SMARCC1: variants seen among roughly 807,000 people sequenced by gnomAD.
SMARCC1 encodes SWI/SNF related BAF chromatin remodeling complex subunit C1, also known as SWI/SNF complex subunit SMARCC1.
A neutral mutation model predicts 147.4 loss-of-function variants in SMARCC1; 43 were observed. The ratio of observed to expected loss-of-function variants is 0.29; its 90% CI spans 0.23 to 0.38. The LOEUF is 0.38. Among genes scored for constraint, SMARCC1 ranks in the 10% least tolerant of loss-of-function variants. The probability of loss-of-function intolerance (pLI) is 1.00; values close to 1 mark genes in which losing one functional copy is unlikely to be tolerated. For missense variants in SMARCC1, 1,119 were observed against 1,381.1 expected (o/e 0.81, Z 3.01); for synonymous variants, 495 against 484.4 (o/e 1.02, Z -0.29).
chr3:47,741,206 GAA>G (rs1376413095), intron 3 of SMARCC1, among the ~76,000 whole-genome samples: 7 of 151,706 alleles, frequency 4.6e-5, no homozygotes, highest in South Asian at 4.2e-4. Context: ...TACTTGTGAG[GAA>G]AAGAGACGGA....
intron 2 of SMARCC1, among the ~76,000 whole-genome samples, chr3:47,755,067 C>T (rs1478128884): frequency 6.6e-6 from 1 of 150,588 alleles, no homozygotes; most frequent in Non-Finnish European, 1.5e-5. Context: ...AAAAATTATC[C>T]GGGCACAGTT....
intron 6 of SMARCC1, among the ~76,000 whole-genome samples, chr3:47,723,148 A>G (rs1463175150): frequency 6.6e-6 from 1 of 152,170 alleles, no homozygotes; most frequent in Non-Finnish European, 1.5e-5. Context: ...GCAAGTTATT[A>G]TCTTCAGAAA....
intron 19 of SMARCC1, 83 bp from the exon 20 acceptor site, chr3:47,662,675 T>A (rs892637821): frequency 2.7e-5 from 29 of 1,089,018 alleles, no homozygotes; most frequent in African/African-American, 9.6e-5. Context: ...ATAGCTTTTT[T>A]AAAAAAAATT....
intron 6 of SMARCC1, among the ~76,000 whole-genome samples, chr3:47,723,508 C>G (rs2034261546): frequency 6.6e-6 from 1 of 151,236 alleles, no homozygotes; most frequent in African/African-American, 2.4e-5. Context: ...TACAACTGAA[C>G]AACAACAAAC....
intron 21 of SMARCC1, among the ~76,000 whole-genome samples, chr3:47,645,343 G>A (rs1230915666): frequency 1.3e-5 from 2 of 149,682 alleles, no homozygotes; most frequent in East Asian, 1.9e-4. Flanking sequence ...CCCACAGTGA[G>A]TATGAGCAGA....
At chr3:47,771,194 C>A (rs1283154437) in intron 2 of SMARCC1, among the ~76,000 whole-genome samples, 6 of 152,076 alleles carry the variant, frequency 3.9e-5, no homozygotes. Flanking sequence ...CAGGCATAAG[C>A]CACGACGCCC....
At chr3:47,762,315 A>G (rs966694318) in intron 2 of SMARCC1, among the ~76,000 whole-genome samples, 1 of 152,170 alleles carries the variant, frequency 6.6e-6, no homozygotes, top group Non-Finnish European at 1.5e-5. Context: ...CACGTTCCAA[A>G]CGGTTTATTC....
rs550881528 is a variant in SMARCC1, at chr3:47,624,878, T to G, written c.2647-2537A>C. Among the ~76,000 whole-genome samples, 11 of 139,600 alleles carry G rather than the reference T, an allele frequency of 7.9e-5. No individual in the cohort carries two copies. In the South Asian group the frequency reaches 2.5e-3, roughly 32 times the overall value. 91.6% of individuals were successfully genotyped at this position (139,600 alleles called of 152,430 possible). On this transcript the variant is annotated intron_variant, in intron 24 of 27. Coordinates refer to ENST00000254480, the MANE Select transcript of SMARCC1 (RefSeq NM_003074.4). ...CAGCCTGGCCAACATAGTAAAACCC[T>G]GTCTGTACTAAAAATTAAAAAAAAA...
At chr3:47,637,647 G>C (rs1466212261) in intron 22 of SMARCC1, among the ~76,000 whole-genome samples, 1 of 152,020 alleles carries the variant, frequency 6.6e-6, no homozygotes, top group African/African-American at 2.4e-5. Flanking sequence ...AGAAAACGGA[G>C]GTTGCAGTGA....
intron 26 of SMARCC1, among the ~76,000 whole-genome samples, chr3:47,596,961 C>T (rs1270624929): frequency 1.3e-5 from 2 of 151,276 alleles, no homozygotes; most frequent in South Asian, 2.1e-4. Flanking sequence ...TTTGGGAGGC[C>T]GAGGCAGGCA....
At chr3:47,590,579 G>C in intron 27 of SMARCC1, 82 bp downstream of exon 27, 1 of 1,238,588 alleles carries the variant, frequency 8.1e-7, no homozygotes, top group Non-Finnish European at 1.1e-6. Flanking sequence ...AAATCTCGGG[G>C]AGAGAACAAA....
intron 8 of SMARCC1, among the ~76,000 whole-genome samples, chr3:47,712,534 T>C (rs1246176438): frequency 1.3e-5 from 2 of 152,206 alleles, no homozygotes; most frequent in African/African-American, 4.8e-5. Context: ...CAACTGTTTG[T>C]GTCAGGCACT....
At chr3:47,604,812 C>G (rs952444062) in intron 26 of SMARCC1, 1 of 147,756 alleles carries the variant, frequency 6.8e-6, no homozygotes, top group Non-Finnish European at 1.5e-5. Flanking sequence ...GATTCCCGTG[C>G]CTCGGCCTCC....
intron 26 of SMARCC1, among the ~76,000 whole-genome samples, chr3:47,605,640 G>A (rs1183019890): frequency 6.6e-6 from 1 of 152,144 alleles, no homozygotes; most frequent in Non-Finnish European, 1.5e-5. Context: ...GGGTGTCGTG[G>A]TGTGCACTTG....
chr3:47,706,033 T>C (rs764313479), intron 10 of SMARCC1, among the ~76,000 whole-genome samples: 9 of 152,056 alleles, frequency 5.9e-5, no homozygotes, highest in Non-Finnish European at 8.8e-5. Context: ...ATCTCTTCTA[T>C]GAGCTTATTT....
chr3:47,595,217 T>TA (rs985849562), intron 26 of SMARCC1, among the ~76,000 whole-genome samples: 1 of 152,090 alleles, frequency 6.6e-6, no homozygotes, highest in Non-Finnish European at 1.5e-5. Flanking sequence ...GTGTACGGGT[T>TA]AAAAAAAATT....
chr3:47,638,876 C>T (rs1319860366), intron 21 of SMARCC1, 96 bp from the exon 22 acceptor site: 2 of 841,762 alleles, frequency 2.4e-6, no homozygotes, highest in Non-Finnish European at 4.1e-6. Context: ...CAAATATATA[C>T]AGTAATACAT....
chr3:47,605,505 C>G (rs1216928573), intron 26 of SMARCC1, among the ~76,000 whole-genome samples: 1 of 152,194 alleles, frequency 6.6e-6, no homozygotes, highest in Non-Finnish European at 1.5e-5. Context: ...GGCATGGTGG[C>G]TCATGCTTGT....
chr3:47,741,788 C>T (rs946284827), intron 3 of SMARCC1, among the ~76,000 whole-genome samples: 1 of 151,732 alleles, frequency 6.6e-6, no homozygotes, highest in African/African-American at 2.4e-5. Flanking sequence ...TGCTATGTTG[C>T]CCAGGTTAGT....
Sources: allele counts gnomAD v4.1 joint callset (sites outside exome capture counted in the v4.1 genomes callset), GRCh38; gene constraint gnomAD v4.1.1; transcripts MANE v1.5; gene names NCBI Gene and HGNC (gene_info 2026-07-23, HGNC 2026-07-21).